Variants in ME3 observed in about 807,000 individuals in gnomAD.
ME3 encodes the protein malic enzyme 3.
Under a neutral mutation model 68.9 loss-of-function variants are expected in ME3, and 48 were observed. The ratio of observed to expected loss-of-function variants is 0.70; its 90% CI spans 0.55 to 0.89. The LOEUF (loss-of-function observed/expected upper bound fraction) is 0.89. ME3 is among the 40% of genes least tolerant of loss of function. The pLI is 0.00. For missense variants in ME3, 675 were observed against 797.4 expected (o/e 0.85, Z 1.85); for synonymous variants, 320 against 318.8 (o/e 1.00, Z -0.04).
At chr11:86,472,391 A>T (rs1310708156) in intron 7 of ME3, among the ~76,000 whole-genome samples, 1 of 152,182 alleles carries the variant, frequency 6.6e-6, no homozygotes, top group African/African-American at 2.4e-5. Flanking sequence ...GCAGAAATGG[A>T]TGATGGGATG....
chr11:86,470,898 C>G (rs1318675859), intron 7 of ME3, among the ~76,000 whole-genome samples: 5 of 152,140 alleles, frequency 3.3e-5, no homozygotes, highest in African/African-American at 1.2e-4. Flanking sequence ...TTCTGAAAAT[C>G]CTAAGAGGGC....
chr11:86,456,160 C>G (rs2125363), intron 8 of ME3, among the ~76,000 whole-genome samples: 109,392 of 152,110 alleles, frequency 0.72, 39,493 homozygotes, highest in South Asian at 0.82. Context: ...ACTAGATGGC[C>G]TCTCTAGGTG....
intron 2 of ME3, among the ~76,000 whole-genome samples, chr11:86,604,415 G>A (rs117327791): frequency 0.019 from 2,884 of 151,932 alleles, 38 homozygotes; most frequent in Non-Finnish European, 0.029. Context: ...TTTTATTTTT[G>A]GTTTACACTA....
At chr11:86,519,971 G>A (rs778054970) in intron 4 of ME3, among the ~76,000 whole-genome samples, 12 of 152,184 alleles carry the variant, frequency 7.9e-5, no homozygotes, top group Non-Finnish European at 1.8e-4. Context: ...TGTTAGTGGT[G>A]GTTCACTCAT....
At chr11:86,571,931 G>C (rs371069367) in intron 2 of ME3, among the ~76,000 whole-genome samples, 15 of 152,384 alleles carry the variant, frequency 9.8e-5, no homozygotes, top group African/African-American at 3.6e-4. Flanking sequence ...CTCCTCCAAG[G>C]AAGGGAAGTT....
intron 2 of ME3, among the ~76,000 whole-genome samples, chr11:86,618,239 G>C (rs1238706618): frequency 7.1e-6 from 1 of 141,444 alleles, no homozygotes; most frequent in Non-Finnish European, 1.5e-5. Context: ...GGTGGAGGCT[G>C]CAGTGAGCTG....
chr11:86,527,422 C>A (rs979705017), intron 4 of ME3, among the ~76,000 whole-genome samples: 2 of 152,174 alleles, frequency 1.3e-5, no homozygotes, highest in Non-Finnish European at 2.9e-5. Flanking sequence ...GCGAATGGAA[C>A]CAAGTTGGAA....
intron 11 of ME3, among the ~76,000 whole-genome samples, chr11:86,447,529 G>A (rs1565789851): frequency 6.6e-6 from 1 of 152,112 alleles, no homozygotes; most frequent in Non-Finnish European, 1.5e-5. Flanking sequence ...TGCCTTGGGA[G>A]AGAAATGCCC....
At chr11:86,442,885 G>T (rs781405836) in exon 14 of ME3, 1 of 1,613,346 alleles carries the variant, frequency 6.2e-7, no homozygotes, top group Non-Finnish European at 8.5e-7. Flanking sequence ...TCTCCCCTGG[G>T]ACAGATGCTG....
At chr11:86,593,189 C>CCTATAAGAAGCAAACTGA (rs1554994760) in intron 2 of ME3, among the ~76,000 whole-genome samples, 1 of 116,940 alleles carries the variant, frequency 8.6e-6, no homozygotes, top group Admixed American at 1.1e-4. Context: ...ATGATTTCCT[C>CCTATAAGAAGCAAACTGA]CACCCTCCTT....
intron 2 of ME3, among the ~76,000 whole-genome samples, chr11:86,648,837 C>T (rs1945209530): frequency 6.6e-6 from 1 of 151,912 alleles, no homozygotes; most frequent in Non-Finnish European, 1.5e-5. Context: ...AATAGCCTAC[C>T]AACCAAAAAA....
At chr11:86,617,639 T>A (rs1457169676) in intron 2 of ME3, among the ~76,000 whole-genome samples, 1 of 152,130 alleles carries the variant, frequency 6.6e-6, no homozygotes, top group Non-Finnish European at 1.5e-5. Flanking sequence ...AGAAAAACAA[T>A]CTTGTAGAGA....
chr11:86,511,134 G>C (rs1953493373), intron 4 of ME3, among the ~76,000 whole-genome samples: 1 of 152,150 alleles, frequency 6.6e-6, no homozygotes, highest in South Asian at 2.1e-4. Flanking sequence ...TCCAATATCT[G>C]TTGCCTGAAG....
At chr11:86,489,531 A>G (rs1951873837) in intron 6 of ME3, among the ~76,000 whole-genome samples, 1 of 152,050 alleles carries the variant, frequency 6.6e-6, no homozygotes, top group Non-Finnish European at 1.5e-5. Context: ...GCTCAGAACT[A>G]TCTTAAGGGA....
chr11:86,522,200 A>C (rs1169141201), intron 4 of ME3, among the ~76,000 whole-genome samples: 4 of 152,156 alleles, frequency 2.6e-5, no homozygotes, highest in Admixed American at 6.5e-5. Flanking sequence ...CAGTGAGCCA[A>C]GACTGCGTCA....
chr11:86,450,670 A>G (rs951923952), intron 8 of ME3, among the ~76,000 whole-genome samples: 1 of 152,246 alleles, frequency 6.6e-6, no homozygotes, highest in South Asian at 2.1e-4. Context: ...ATCATCATTC[A>G]TAAAGAAAAT....
In ME3 at chr11:86,450,095, C is replaced by T. The variant is rs1037304271; in HGVS notation, c.1018-93G>A. On this transcript the variant is annotated intron_variant, in intron 9 of 14. Transcript: ENST00000543262. ...TTGCCATAAGGACCCCCTTTTCTTTCCCCCACCTCAATGACTCCCAGGAGG... is the reference window on the plus strand; with the variant it reads ...TTGCCATAAGGACCCCCTTTTCTTTTCCCCACCTCAATGACTCCCAGGAGG... 5.3e-6 allele frequency: 6 copies of T among 1,129,014 alleles called. No homozygotes were observed. In the African/African-American group the frequency reaches 9.3e-5, roughly 17 times the overall value. 69.9% of individuals were successfully genotyped at this position (1,129,014 alleles called of 1,614,324 possible). A position where few individuals can be genotyped will look rare whatever the true frequency, so the allele number is the denominator to read the frequency against.
intron 3 of ME3, among the ~76,000 whole-genome samples, chr11:86,557,792 C>T (rs1439021649): frequency 6.6e-6 from 1 of 152,152 alleles, no homozygotes; most frequent in Non-Finnish European, 1.5e-5. Flanking sequence ...CATCTTTTCT[C>T]AATTCTACAT....
intron 2 of ME3, among the ~76,000 whole-genome samples, chr11:86,611,251 T>C (rs1942549797): frequency 6.6e-6 from 1 of 151,636 alleles, no homozygotes. Flanking sequence ...TGTGGGGAAA[T>C]GGGGAGATGT....
Sources: allele counts gnomAD v4.1 joint callset (sites outside exome capture counted in the v4.1 genomes callset), GRCh38; gene constraint gnomAD v4.1.1; transcripts MANE v1.5; gene names NCBI Gene and HGNC (gene_info 2026-07-23, HGNC 2026-07-21).